GOLGA3: variants seen among roughly 807,000 people sequenced by gnomAD.
The protein encoded by GOLGA3 is golgin subfamily A member 3.
In GOLGA3, 75 loss-of-function variants were observed where a neutral mutation model predicts 169.4. The observed-to-expected ratio is 0.44, with a 90% CI of 0.37 to 0.54. The LOEUF is 0.54. Among genes scored for constraint, GOLGA3 ranks in the 20% least tolerant of loss-of-function variants. The probability of loss-of-function intolerance (pLI) is 0.00; values close to 1 mark genes in which losing one functional copy is unlikely to be tolerated. For missense variants in GOLGA3, 1,899 were observed against 1,930.0 expected, an observed-to-expected ratio of 0.98 and a Z score of 0.30; for synonymous variants, 824 against 822.4, an observed-to-expected ratio of 1.00 and a Z score of -0.03.
intron 11 of GOLGA3, among the ~76,000 whole-genome samples, chr12:132,791,736 C>T (rs1272328090): frequency 7.8e-6 from 1 of 127,974 alleles, no homozygotes; most frequent in East Asian, 2.2e-4. Flanking sequence ...AGATGTTACA[C>T]TGAGGGCTCC....
intron 11 of GOLGA3, among the ~76,000 whole-genome samples, chr12:132,792,970 C>T (rs1270398838): frequency 1.5e-5 from 2 of 136,812 alleles, no homozygotes; most frequent in Admixed American, 7.3e-5. Context: ...ACCCACCACA[C>T]GGGATCTGAA....
intron 6 of GOLGA3, among the ~76,000 whole-genome samples, chr12:132,806,033 G>T (rs1949380945): frequency 6.6e-6 from 1 of 152,220 alleles, no homozygotes; most frequent in Admixed American, 6.5e-5. Context: ...GAGCAGCAGA[G>T]AATCGCCAGA....
At chr12:132,796,472 T>G in intron 10 of GOLGA3, 67 bp downstream of exon 10, 1 of 1,506,386 alleles carries the variant, frequency 6.6e-7, no homozygotes, top group Non-Finnish European at 8.9e-7. Flanking sequence ...GGTCTCCTTG[T>G]GTGCAGTCCT....
chr12:132,775,937 G>C (rs1270363590), intron 21 of GOLGA3, among the ~76,000 whole-genome samples: 1 of 152,216 alleles, frequency 6.6e-6, no homozygotes, highest in Non-Finnish European at 1.5e-5. Context: ...CACGTTCTTG[G>C]TCCGTGACAC....
chr12:132,779,950 T>C (rs1238320363), intron 18 of GOLGA3, among the ~76,000 whole-genome samples: 2 of 115,764 alleles, frequency 1.7e-5, no homozygotes, highest in Admixed American at 1.1e-4. Flanking sequence ...CACACGCGTA[T>C]ACAGACATCA....
chr12:132,820,405 C>T (rs1358603022), intron 2 of GOLGA3, among the ~76,000 whole-genome samples: 1 of 152,186 alleles, frequency 6.6e-6, no homozygotes, highest in African/African-American at 2.4e-5. Flanking sequence ...CAGCGTCTTG[C>T]TCGAGGGCAC....
At chr12:132,809,897 C>A (rs1383150744) in intron 4 of GOLGA3, among the ~76,000 whole-genome samples, 2 of 151,780 alleles carry the variant, frequency 1.3e-5, no homozygotes, top group Admixed American at 1.3e-4. Context: ...ACTTCCTCAA[C>A]AGAACTTTCC....
chr12:132,819,311 C>T (rs1950115435), intron 2 of GOLGA3, among the ~76,000 whole-genome samples: 3 of 152,024 alleles, frequency 2.0e-5, no homozygotes, highest in South Asian at 4.1e-4. Context: ...AGGTGGATCA[C>T]GAGGTCAGGA....
At chr12:132,787,564 T>TC (rs573818017) in intron 13 of GOLGA3, among the ~76,000 whole-genome samples, 1,596 of 48,708 alleles carry the variant, frequency 0.033, 113 homozygotes, top group Admixed American at 0.082. Flanking sequence ...CCAGGACCCT[T>TC]CCTGAGACCC....
At chr12:132,793,812 T>C (rs191833457) in intron 11 of GOLGA3, among the ~76,000 whole-genome samples, 23 of 152,320 alleles carry the variant, frequency 1.5e-4, no homozygotes, top group Admixed American at 1.2e-3. Context: ...CAGGAATCCA[T>C]GTGTTTGTGA....
intron 18 of GOLGA3, among the ~76,000 whole-genome samples, chr12:132,780,460 C>T (rs2045537229): frequency 6.6e-6 from 1 of 152,216 alleles, no homozygotes; most frequent in Non-Finnish European, 1.5e-5. Context: ...ACAGAACCAC[C>T]CCTCTTATCT....
intron 1 of GOLGA3, among the ~76,000 whole-genome samples, chr12:132,824,211 G>C (rs1475932707): frequency 6.6e-6 from 1 of 152,218 alleles, no homozygotes; most frequent in African/African-American, 2.4e-5. Context: ...CATCTAGACT[G>C]GTCACCCGTA....
At chr12:132,812,549 C>T (rs928605245) in intron 4 of GOLGA3, among the ~76,000 whole-genome samples, 1 of 152,030 alleles carries the variant, frequency 6.6e-6, no homozygotes. Flanking sequence ...TCAACATTAA[C>T]AGGAGTGTGG....
At chr12:132,793,891 G>T (rs1335971965) in intron 11 of GOLGA3, among the ~76,000 whole-genome samples, 1 of 152,200 alleles carries the variant, frequency 6.6e-6, no homozygotes, top group Non-Finnish European at 1.5e-5. Context: ...CCAGAAATAG[G>T]GAAGAGCTTG....
intron 9 of GOLGA3, among the ~76,000 whole-genome samples, chr12:132,797,567 C>T (rs1177197728): frequency 6.6e-6 from 1 of 152,114 alleles, no homozygotes; most frequent in Non-Finnish European, 1.5e-5. Context: ...AAAAAATTAG[C>T]AGGGTATGGT....
intron 4 of GOLGA3, among the ~76,000 whole-genome samples, chr12:132,808,895 G>A (rs931445752): frequency 6.6e-6 from 1 of 152,200 alleles, no homozygotes; most frequent in African/African-American, 2.4e-5. Context: ...CCCTGTGTGC[G>A]GCGACGAGAG....
chr12:132,814,664 G>A (rs1949877303), intron 3 of GOLGA3, among the ~76,000 whole-genome samples: 1 of 152,222 alleles, frequency 6.6e-6, no homozygotes, highest in African/African-American at 2.4e-5. Context: ...CCTGGCGCCA[G>A]GCCTCACTGC....
intron 22 of GOLGA3, chr12:132,774,544 C>A: frequency 1.7e-6 from 1 of 590,550 alleles, no homozygotes; most frequent in Non-Finnish European, 3.0e-6. Context: ...CAGAGCAAAG[C>A]AGAGACAACC....
At chr12:132,784,839 C>G (rs1366007004) in intron 15 of GOLGA3, among the ~76,000 whole-genome samples, 1 of 151,812 alleles carries the variant, frequency 6.6e-6, no homozygotes, top group African/African-American at 2.4e-5. Context: ...ACTGCATGCA[C>G]ACATATGCTC....
Sources: gnomAD v4.1 joint callset for allele counts (sites outside exome capture counted in the v4.1 genomes callset) on GRCh38, gnomAD v4.1.1 for gene constraint, MANE v1.5 for transcripts, NCBI Gene and HGNC (gene_info 2026-07-23, HGNC 2026-07-21) for gene names.